The following BACH1 variants were observed in gnomAD, a reference collection of about 807,000 sequenced individuals.
BACH1 encodes BTB domain and CNC homolog 1.
In BACH1, 35 loss-of-function variants were observed where a neutral mutation model predicts 52.9. That is an observed-to-expected ratio of 0.66 (90% CI 0.51 to 0.88). The LOEUF is 0.88. Ranked by LOEUF, BACH1 falls within the 40% of genes least tolerant of loss-of-function variation. The pLI, the probability that BACH1 is intolerant of heterozygous loss-of-function variation, is 0.00. For missense variants in BACH1, 808 were observed against 872.6 expected, an observed-to-expected ratio of 0.93 and a Z score of 0.93; for synonymous variants, 321 against 319.6, an observed-to-expected ratio of 1.00 and a Z score of -0.05.
intron 4 of BACH1, among the ~76,000 whole-genome samples, chr21:29,336,107 G>A (rs1026731132): frequency 1.3e-5 from 2 of 151,944 alleles, no homozygotes; most frequent in East Asian, 1.9e-4. Context: ...TACAGTCATC[G>A]TATAATGCAT....
At chr21:29,304,766 A>G (rs2123403439) in intron 1 of BACH1, among the ~76,000 whole-genome samples, 1 of 152,266 alleles carries the variant, frequency 6.6e-6, no homozygotes, top group South Asian at 2.1e-4. Flanking sequence ...CCTATTGAAG[A>G]AATAGGGCGA....
chr21:29,348,694 A>G (rs572877809), downstream of BACH1, among the ~76,000 whole-genome samples: 4 of 152,260 alleles, frequency 2.6e-5, no homozygotes, highest in East Asian at 7.7e-4. Context: ...GGCTCCCTCT[A>G]GGGGCTCTGA....
chr21:29,355,521 C>G (rs1213772391), intron 2 of BACH1, among the ~76,000 whole-genome samples: 1 of 152,208 alleles, frequency 6.6e-6, no homozygotes, highest in Non-Finnish European at 1.5e-5. Context: ...GATGACTGCT[C>G]TAGCTACTTC....
Position 29,327,283 on chromosome 21 carries a change from C to A in BACH1, c.1459C>A (p.Pro487Thr), listed in dbSNP as rs780743906. Residue 487 changes from proline to threonine, a missense_variant, in exon 3 of 5, where the codon CCC becomes ACC. Pro to Thr is a conservative substitution (Grantham distance 38). Transcript: ENST00000286800. Reference sequence around the variant, plus strand: ...TGGAAACGATGATTATGTTTCAGAACCCCAGCAAGAACCTTGCCCATATGC... The same window carrying A: ...TGGAAACGATGATTATGTTTCAGAAACCCAGCAAGAACCTTGCCCATATGC... ...EIGNDDYVSE[P>T]QQEPCPYACV... The A allele has an allele frequency of 1.9e-6, 3 of 1,614,184 alleles. No individual in the cohort carries two copies. The highest frequency in any genetic ancestry group is 2.2e-5 in the South Asian group (2 of 91,084).
At chr21:29,335,734 C>T (rs2089037020) in intron 4 of BACH1, among the ~76,000 whole-genome samples, 1 of 152,190 alleles carries the variant, frequency 6.6e-6, no homozygotes, top group African/African-American at 2.4e-5. Flanking sequence ...GTTGGTTTGT[C>T]AGTCTTTGCA....
At chr21:29,299,220 C>T (rs947985169) in intron 1 of BACH1, among the ~76,000 whole-genome samples, 9 of 151,620 alleles carry the variant, frequency 5.9e-5, no homozygotes, top group Non-Finnish European at 1.0e-4. Flanking sequence ...TGTTGTTTAC[C>T]CGCGCGCGCC....
intron 4 of BACH1, among the ~76,000 whole-genome samples, chr21:29,333,419 A>G (rs989095890): frequency 3.9e-5 from 6 of 152,220 alleles, no homozygotes; most frequent in African/African-American, 1.4e-4. Flanking sequence ...AACATGGCCA[A>G]TAAACAAGCA....
Position 29,326,997 on chromosome 21 carries a change from A to G in BACH1, c.1173A>G (p.Arg391=), listed in dbSNP as rs2088921100. 1.9e-6 allele frequency: 3 copies of G among 1,613,936 alleles called. No individual in the cohort carries two copies. The highest frequency in any genetic ancestry group is 2.2e-5 in the South Asian group (2 of 91,074). ...VASSDRSSVE[R]EVAEHLAKGF... ...CTAGTGATAGGAGTAGTGTGGAGCG[A>G]GAAGTGGCAGAACACCTAGCAAAAG... The change falls in exon 3 of 5, where the codon CGA becomes CGG. Residue 391 remains arginine (R), a synonymous_variant. Transcript: ENST00000286800.
intron 1 of BACH1, among the ~76,000 whole-genome samples, chr21:29,306,257 G>T (rs558518850): frequency 6.6e-6 from 1 of 151,194 alleles, no homozygotes; most frequent in East Asian, 1.9e-4. Flanking sequence ...TGCAGGCAAC[G>T]TCCTTGTTTT....
intron 2 of BACH1, among the ~76,000 whole-genome samples, chr21:29,324,337 C>G (rs2088884272): frequency 6.6e-6 from 1 of 151,956 alleles, no homozygotes; most frequent in African/African-American, 2.4e-5. Context: ...ATGCCCTCAT[C>G]CCCTTGCCCC....
At chr21:29,333,536 T>C (rs941427292) in intron 4 of BACH1, among the ~76,000 whole-genome samples, 2 of 152,228 alleles carry the variant, frequency 1.3e-5, no homozygotes, top group Admixed American at 1.3e-4. Flanking sequence ...CTGGTTGGCT[T>C]TAACATATTA....
chr21:29,318,992 T>A (rs1221887346), intron 1 of BACH1, among the ~76,000 whole-genome samples: 3 of 152,192 alleles, frequency 2.0e-5, no homozygotes, highest in African/African-American at 7.2e-5. Context: ...AAAAAATGTC[T>A]GGTGGCAATT....
intron 1 of BACH1, among the ~76,000 whole-genome samples, chr21:29,304,163 T>C (rs1461166152): frequency 6.6e-6 from 1 of 150,952 alleles, no homozygotes; most frequent in African/African-American, 2.4e-5. Flanking sequence ...TATCACTCTG[T>C]CGCTCAGGCT....
intron 4 of BACH1, among the ~76,000 whole-genome samples, chr21:29,334,137 C>T (rs992585840): frequency 1.0e-4 from 15 of 150,742 alleles, no homozygotes; most frequent in African/African-American, 3.4e-4. Context: ...CAGAGTCTCG[C>T]TCTTTTCGCC....
chr21:29,304,583 G>A lies in BACH1; in HGVS notation c.-61+5630G>A, dbSNP rs575325807. On this transcript the variant is annotated intron_variant, in intron 1 of 4. Transcript: ENST00000286800. ...AAGGTTTTCAATTCCTTTGTAGCCT[G>A]GACATTAGTAATAGCCTACCTCTAA... 2.6e-5 allele frequency among the ~76,000 whole-genome samples: 4 copies of A among 152,246 alleles called. No individual in the cohort carries two copies. The East Asian group carries it at 5.8e-4, about 22-fold the overall frequency.
At chr21:29,306,170 GT>G in intron 1 of BACH1, among the ~76,000 whole-genome samples, 1 of 10,616 alleles carries the variant, frequency 9.4e-5, no homozygotes, top group South Asian at 1.2e-3. Context: ...GTCAGGAAGA[GT>G]GTGTGTGTGT....
downstream of BACH1, among the ~76,000 whole-genome samples, chr21:29,348,394 CA>C: frequency 6.6e-6 from 1 of 152,062 alleles, no homozygotes; most frequent in African/African-American, 2.4e-5. Flanking sequence ...GCAGTCATCC[CA>C]TACAACACTG....
At chr21:29,305,776 G>C (rs1238381388) in intron 1 of BACH1, among the ~76,000 whole-genome samples, 1 of 152,190 alleles carries the variant, frequency 6.6e-6, no homozygotes, top group Non-Finnish European at 1.5e-5. Flanking sequence ...AGTGTATGTG[G>C]ACAGTAGGGT....
chr21:29,307,342 C>T (rs1237735766), intron 1 of BACH1, among the ~76,000 whole-genome samples: 1 of 152,168 alleles, frequency 6.6e-6, no homozygotes, highest in Non-Finnish European at 1.5e-5. Flanking sequence ...TTCTGTTTTG[C>T]TGTATGTGTA....
Sources: allele counts gnomAD v4.1 joint callset (sites outside exome capture counted in the v4.1 genomes callset), GRCh38; gene constraint gnomAD v4.1.1; transcripts MANE v1.5; gene names NCBI Gene and HGNC (gene_info 2026-07-23, HGNC 2026-07-21).